The following BMPR1A variants were observed in gnomAD, a reference collection of about 807,000 sequenced individuals.
BMPR1A encodes the protein bone morphogenetic protein receptor type-1A.
Under a neutral mutation model 66.0 loss-of-function variants are expected in BMPR1A, and 7 were observed. The ratio of observed to expected loss-of-function variants is 0.11; its 90% CI spans 0.06 to 0.20. The LOEUF (loss-of-function observed/expected upper bound fraction) is 0.20. Among genes scored for constraint, BMPR1A ranks in the 10% least tolerant of loss-of-function variants. The probability of loss-of-function intolerance (pLI) is 1.00; values close to 1 mark genes in which losing one functional copy is unlikely to be tolerated. For missense variants in BMPR1A, 408 were observed against 669.1 expected (o/e 0.61, Z 4.31); for synonymous variants, 200 against 229.7 (o/e 0.87, Z 1.17).
intron 5 of BMPR1A, among the ~76,000 whole-genome samples, chr10:86,894,818 C>T (rs140210225): frequency 1.7e-3 from 262 of 152,312 alleles, no homozygotes; most frequent in Non-Finnish European, 2.8e-3. Context: ...GAGCAGTCTT[C>T]ATGCTGTTAC....
At chr10:86,840,648 T>C (rs1842414150) in intron 2 of BMPR1A, among the ~76,000 whole-genome samples, 1 of 152,166 alleles carries the variant, frequency 6.6e-6, no homozygotes, top group Non-Finnish European at 1.5e-5. Flanking sequence ...TTTTCATCTG[T>C]TTACAGATGG....
downstream of BMPR1A, chr10:86,928,385 G>C (rs185069224): frequency 1.3e-5 from 2 of 151,864 alleles, no homozygotes; most frequent in African/African-American, 4.8e-5. Flanking sequence ...ACCATGCCTG[G>C]CTAATTTTTT....
chr10:86,912,504 A>G lies in BMPR1A; in HGVS notation c.675+120A>G, dbSNP rs1843506617. The G allele has an allele frequency of 2.0e-5, 26 of 1,280,708 alleles. 1 individual carries two copies. 79.3% of individuals were successfully genotyped at this position (1,280,708 alleles called of 1,614,324 possible). ...ATAATGGACACATTTTTTTCTCCTT[A>G]TTTAGAAAGAGGTATGCAGTATTGC... On this transcript the variant is annotated intron_variant, in intron 8 of 12. Transcript: ENST00000372037.
intron 2 of BMPR1A, among the ~76,000 whole-genome samples, chr10:86,872,561 C>T (rs1309610194): frequency 1.3e-5 from 2 of 151,862 alleles, no homozygotes; most frequent in African/African-American, 4.8e-5. Context: ...TTAATATATG[C>T]AAAGCATTTA....
At chr10:86,783,538 T>C (rs1440835214) in intron 1 of BMPR1A, among the ~76,000 whole-genome samples, 1 of 152,254 alleles carries the variant, frequency 6.6e-6, no homozygotes, top group Admixed American at 6.5e-5. Flanking sequence ...TCATTTTTAG[T>C]GTACAAGTCT....
At chr10:86,808,275 A>G (rs1248490951) in intron 1 of BMPR1A, among the ~76,000 whole-genome samples, 2 of 151,768 alleles carry the variant, frequency 1.3e-5, no homozygotes, top group African/African-American at 4.8e-5. Context: ...TTCATTTCTG[A>G]TACTAGCTAT....
At chr10:86,894,055 TTTAGAG>T (rs1210257313) in intron 5 of BMPR1A, among the ~76,000 whole-genome samples, 11 of 152,254 alleles carry the variant, frequency 7.2e-5, no homozygotes, top group Admixed American at 5.9e-4. Flanking sequence ...TATGATCAGC[TTTAGAG>T]TTATTCAGTC....
intron 1 of BMPR1A, among the ~76,000 whole-genome samples, chr10:86,766,057 G>A (rs1423406122): frequency 6.9e-6 from 1 of 144,388 alleles, no homozygotes; most frequent in Non-Finnish European, 1.5e-5. Flanking sequence ...GGTGCAAACA[G>A]CTCACTGCAG....
In BMPR1A at chr10:86,874,711, T is replaced by TC. The variant is rs1487822351; in HGVS notation, c.-152-1156_-152-1155insC. Reference sequence around the variant, plus strand: ...CGTGAGTCACTGCACCCGACCTTCTTTTTTTTTTTTTTTTTTTTTTTTTTG... The same window carrying TC: ...CGTGAGTCACTGCACCCGACCTTCTTCTTTTTTTTTTTTTTTTTTTTTTTTG... On this transcript the variant is annotated intron_variant, in intron 2 of 12. Coordinates refer to ENST00000372037, the MANE Select transcript of BMPR1A (RefSeq NM_004329.3). Among the ~76,000 whole-genome samples, 133 of 84,426 alleles carry TC rather than the reference T, an allele frequency of 1.6e-3. 2 individuals carry two copies. Among genetic ancestry groups the TC allele is most frequent in the African/African-American group, 4.0e-3 (88 of 22,224 alleles). The allele number at this position is 84,426 out of a possible 152,430, so 55.4% of individuals were successfully genotyped here.
chr10:86,822,210 A>G (rs1489206482), intron 1 of BMPR1A, among the ~76,000 whole-genome samples: 1 of 152,110 alleles, frequency 6.6e-6, no homozygotes, highest in Non-Finnish European at 1.5e-5. Flanking sequence ...ACAGGTTCTA[A>G]ATCTTTCCAT....
intron 1 of BMPR1A, among the ~76,000 whole-genome samples, chr10:86,791,705 C>T (rs1417858173): frequency 8.9e-6 from 1 of 112,520 alleles, no homozygotes; most frequent in Non-Finnish European, 1.8e-5. Flanking sequence ...CCCTCCCTCC[C>T]TCCCTCCCTT....
chr10:86,765,474 ACT>A (rs1189537029), intron 1 of BMPR1A, among the ~76,000 whole-genome samples: 1 of 115,752 alleles, frequency 8.6e-6, no homozygotes, highest in Admixed American at 1.1e-4. Flanking sequence ...ACAGAGTAAG[ACT>A]CTGTCTCAAA....
intron 1 of BMPR1A, among the ~76,000 whole-genome samples, chr10:86,789,722 A>C (rs1289739578): frequency 2.0e-5 from 3 of 149,900 alleles, no homozygotes; most frequent in African/African-American, 7.3e-5. Context: ...TTAGAAAAAA[A>C]AAACAAACAA....
chr10:86,844,851 A>G (rs1233348549), intron 2 of BMPR1A, among the ~76,000 whole-genome samples: 1 of 152,180 alleles, frequency 6.6e-6, no homozygotes, highest in Non-Finnish European at 1.5e-5. Context: ...ATCTTGGCTC[A>G]CTGCAACTTC....
chr10:86,830,030 T>A (rs1842246566), intron 1 of BMPR1A, among the ~76,000 whole-genome samples: 1 of 151,584 alleles, frequency 6.6e-6, no homozygotes, highest in Admixed American at 6.6e-5. Flanking sequence ...TTACAGTGGG[T>A]GGGGAGAGAG....
chr10:86,910,884 T>G (rs895538657), intron 7 of BMPR1A, among the ~76,000 whole-genome samples: 2 of 152,052 alleles, frequency 1.3e-5, no homozygotes, highest in African/African-American at 4.8e-5. Flanking sequence ...AGCAGGAGGA[T>G]TGCTTTGAAC....
chr10:86,757,542 A>G (rs1469910144), intron 1 of BMPR1A, among the ~76,000 whole-genome samples: 1 of 152,146 alleles, frequency 6.6e-6, no homozygotes, highest in Non-Finnish European at 1.5e-5. Context: ...AGATTTGGCA[A>G]GGAAAAAAAA....
chr10:86,921,372 A>T, intron 10 of BMPR1A, 148 bp from the exon 11 acceptor site: 1 of 1,032,600 alleles, frequency 9.7e-7, no homozygotes, highest in Non-Finnish European at 1.4e-6. Flanking sequence ...TGTAGCATGT[A>T]TTTAAAGAAA....
intron 1 of BMPR1A, among the ~76,000 whole-genome samples, chr10:86,837,932 C>A (rs1842375657): frequency 1.3e-5 from 2 of 152,212 alleles, no homozygotes; most frequent in African/African-American, 4.8e-5. Flanking sequence ...TGAATTTAGT[C>A]ATTATCGCCA....
Sources: gnomAD v4.1 joint callset for allele counts (sites outside exome capture counted in the v4.1 genomes callset) on GRCh38, gnomAD v4.1.1 for gene constraint, MANE v1.5 for transcripts, NCBI Gene and HGNC (gene_info 2026-07-23, HGNC 2026-07-21) for gene names.